Variants in CACNA1H observed in about 807,000 individuals in gnomAD.
CACNA1H encodes calcium voltage-gated channel subunit alpha1 H.
In CACNA1H, 149 loss-of-function variants were observed where a neutral mutation model predicts 192.5. That is an observed-to-expected ratio of 0.77 (90% CI 0.68 to 0.89). The LOEUF is 0.89. CACNA1H is among the 40% of genes least tolerant of loss of function. CACNA1H has a pLI of 0.00. For missense variants in CACNA1H, 4,257 were observed against 3,423.5 expected, an observed-to-expected ratio of 1.24 and a Z score of -6.08; for synonymous variants, 2,202 against 1,475.2, an observed-to-expected ratio of 1.49 and a Z score of -11.29.
chr16:1,179,862 G>T (rs935489361), intron 2 of CACNA1H, among the ~76,000 whole-genome samples: 1 of 149,464 alleles, frequency 6.7e-6, no homozygotes, highest in African/African-American at 2.5e-5. Context: ...AGCCTCCCAC[G>T]TAGCTGGGAT....
Position 1,204,123 on chromosome 16 carries a change from G to C in CACNA1H, c.2116G>C (p.Ala706Pro), listed in dbSNP as rs765526204. ...GAAGAGCTGCCCGTACTGCACCCGT[G>C]CCCTGGAGGACCCGGAGGGTGAGCT... ...ELKSCPYCTR[A>P]LEDPEGELSG... The change falls in exon 10 of 35, where the codon GCC becomes CCC. Residue 706 changes from alanine to proline, a missense_variant. Coordinates refer to ENST00000348261, the MANE Select transcript of CACNA1H (RefSeq NM_021098.3). The C allele has an allele frequency of 6.2e-7, 1 of 1,612,150 alleles. No individual in the cohort carries two copies. The highest frequency in any genetic ancestry group is 1.3e-5 in the African/African-American group (1 of 74,928).
In CACNA1H at chr16:1,200,421, G is replaced by A. The variant is rs564108356; in HGVS notation, c.969G>A (p.Thr323=). 67 of 1,609,446 alleles carry A rather than the reference G, an allele frequency of 4.2e-5. No homozygotes were observed. The South Asian group carries it at 6.3e-4, about 15-fold the overall frequency. ...GCACCCTGGGCTGGGAGGCCTACAC[G>A]CAGCCGCAGGCCGAGGGGGTGGGCG... The part of the protein sequence containing the change: ...MPCTLGWEAY[T]QPQAEGVGAA... The change falls in exon 7 of 35, where the codon ACG becomes ACA. Residue 323 remains threonine (T), a synonymous_variant. Coordinates refer to ENST00000348261, the MANE Select transcript of CACNA1H (RefSeq NM_021098.3).
intron 2 of CACNA1H, among the ~76,000 whole-genome samples, chr16:1,164,824 G>A (rs1049510484): frequency 9.9e-5 from 15 of 152,208 alleles, no homozygotes; most frequent in African/African-American, 3.4e-4. Context: ...GGTGGAGGGC[G>A]GCTGTCCACA....
chr16:1,216,048 A>G (rs1486893228), intron 30 of CACNA1H, among the ~76,000 whole-genome samples: 1 of 151,980 alleles, frequency 6.6e-6, no homozygotes, highest in Non-Finnish European at 1.5e-5. Context: ...AGGCCAAGAG[A>G]CCCAACACGT....
At position 1,167,715 on chromosome 16, in the gene CACNA1H, C is replaced by A. The variant is rs764040139; in HGVS notation, c.299+13679C>A. ...CGGCTCCTGGCTAGGGACCCCGAGACCCCTCCTTTGCTTCCTGAAAGGAGC... is the reference window on the plus strand; with the variant it reads ...CGGCTCCTGGCTAGGGACCCCGAGAACCCTCCTTTGCTTCCTGAAAGGAGC... On this transcript the variant is annotated intron_variant, in intron 2 of 34. Transcript: ENST00000348261. This position sits in a 1 kb window ranked among gnomAD's most constrained non-coding sequence, Gnocchi z 4.2. Among the ~76,000 whole-genome samples the A allele has an allele frequency of 2.5e-4, 38 of 152,196 alleles. No individual in the cohort carries two copies. The highest frequency in any genetic ancestry group is 5.1e-4 in the Non-Finnish European group (35 of 68,026).
intron 2 of CACNA1H, among the ~76,000 whole-genome samples, chr16:1,170,280 G>A (rs1037008865): frequency 4.6e-5 from 7 of 152,188 alleles, no homozygotes; most frequent in African/African-American, 2.4e-5. Flanking sequence ...CCCTCCCCAC[G>A]CCTTCGGGCC....
intron 2 of CACNA1H, among the ~76,000 whole-genome samples, chr16:1,170,383 G>A (rs1214108769): frequency 3.9e-5 from 6 of 152,228 alleles, no homozygotes; most frequent in Non-Finnish European, 7.3e-5. Context: ...CGAGGAATCC[G>A]GGGTAACACT....
chr16:1,197,516 C>T (rs1451540312), intron 5 of CACNA1H, among the ~76,000 whole-genome samples: 1 of 152,226 alleles, frequency 6.6e-6, no homozygotes, highest in African/African-American at 2.4e-5. Context: ...CTAGGGAACT[C>T]TTCCAGACTG....
At chr16:1,218,175 TGTG>T (rs1263963555) in intron 32 of CACNA1H, 32 bp from the exon 33 acceptor site, 1 of 1,540,120 alleles carries the variant, frequency 6.5e-7, no homozygotes, top group Non-Finnish European at 8.8e-7. Context: ...CGCGGGTGGG[TGTG>T]GACCCCGGCC....
intron 13 of CACNA1H, 38 bp from the exon 14 acceptor site, chr16:1,207,237 G>C (rs760879430): frequency 1.3e-6 from 2 of 1,570,568 alleles, no homozygotes; most frequent in Non-Finnish European, 1.7e-6. Flanking sequence ...GCATTTCGGG[G>C]CTGGGGTGAC....
rs1965393445 is a variant in CACNA1H at position 1,180,840 on chromosome 16, T to TC, written c.300-14128dup. Reference sequence around the variant, plus strand: ...GGTCCACAGCCACCCCGCCCTGGACTCCCCGGGCCAGCACCCGACCTGGCC... The same window carrying TC: ...GGTCCACAGCCACCCCGCCCTGGACTCCCCCGGGCCAGCACCCGACCTGGCC... On this transcript the variant is annotated intron_variant, in intron 2 of 34. Coordinates refer to ENST00000348261, the MANE Select transcript of CACNA1H (RefSeq NM_021098.3). This position sits in a 1 kb window ranked among gnomAD's most constrained non-coding sequence, Gnocchi z 4.4. 6.6e-6 allele frequency among the ~76,000 whole-genome samples: 1 copy of TC among 152,060 alleles called. No homozygotes were observed. The highest frequency in any genetic ancestry group is 2.4e-5 in the African/African-American group (1 of 41,422).
Position 1,220,695 on chromosome 16 carries a change from T to G in CACNA1H, c.6763T>G (p.Ser2255Ala), listed in dbSNP as rs772895315. The G allele has an allele frequency of 1.9e-6, 3 of 1,610,888 alleles. No individual in the cohort carries two copies. The highest frequency in any genetic ancestry group is 3.3e-5 in the Admixed American group (2 of 59,716). Residue 2255 changes from serine to alanine, a missense_variant, in exon 35 of 35, where the codon TCC becomes GCC. Ser to Ala is a moderately conservative substitution (Grantham distance 99, BLOSUM62 1). Transcript: ENST00000348261. ...AAKGERWGQA[S>A]CRAEHLTVPS... ...CAAGGGGGAGCGCTGGGGCCAGGCC[T>G]CCTGCCGGGCTGAGCACCTGACCGT... is the stretch of plus-strand genomic sequence containing the variant.
At position 1,216,948 on chromosome 16, in the gene CACNA1H, T is replaced by G. The variant is rs757641288; in HGVS notation, c.5261T>G (p.Leu1754Arg). 1 of 1,604,394 alleles carries G rather than the reference T, an allele frequency of 6.2e-7. No individual in the cohort carries two copies. Among genetic ancestry groups the G allele is most frequent in the Non-Finnish European group, 8.5e-7 (1 of 1,175,644 alleles). Residue 1754 changes from leucine (L) to arginine (R), a missense_variant, in exon 31 of 35, where the codon CTT (leucine) becomes CGT (arginine). By Grantham distance (102) the Leu-to-Arg change is moderately radical. Transcript: ENST00000348261. Reference sequence around the variant, plus strand: ...CTTGTGTAGGTGGGGAACCTGGGCCTTCTTTTCATGCTCCTGTTTTTTATC... The same window carrying G: ...CTTGTGTAGGTGGGGAACCTGGGCCGTCTTTTCATGCTCCTGTTTTTTATC... The part of the protein sequence containing the change: ...QALPQVGNLG[L>R]LFMLLFFIYA...
chr16:1,207,245 G>A, intron 13 of CACNA1H, 30 bp from the exon 14 acceptor site: 1 of 1,581,020 alleles, frequency 6.3e-7, no homozygotes. Context: ...GGGCTGGGGT[G>A]ACCACCCCAG....
At chr16:1,154,162 C>A in intron 2 of CACNA1H, 126 bp downstream of exon 2, 2 of 651,934 alleles carry the variant, frequency 3.1e-6, no homozygotes, top group Non-Finnish European at 4.3e-6. Flanking sequence ...GTGGGCCGGG[C>A]GCGCGGGGGT....
At chr16:1,218,165 C>T (rs1408954585) in intron 32 of CACNA1H, 45 bp from the exon 33 acceptor site, 20 of 1,535,388 alleles carry the variant, frequency 1.3e-5, no homozygotes, top group Admixed American at 2.0e-5. Flanking sequence ...GGGTGGCACC[C>T]GCGGGTGGGT....
chr16:1,215,145 G>A, intron 28 of CACNA1H, 64 bp downstream of exon 28: 1 of 1,583,494 alleles, frequency 6.3e-7, no homozygotes, highest in Non-Finnish European at 8.6e-7. Flanking sequence ...CTGGGGGCAG[G>A]TGAGGCCGCA....
At position 1,195,038 on chromosome 16, in the gene CACNA1H, C is replaced by G. The variant is rs372041705; in HGVS notation, c.366C>G (p.Pro122=). ...LNCVTLGMFR[P]CEDVECGSER... ...GCGTGACCCTGGGCATGTTCCGGCC[C>G]TGTGAGGACGTTGAGTGCGGCTCCG... The change falls in exon 3 of 35, where the codon CCC becomes CCG. Residue 122 remains proline, a synonymous_variant. Transcript: ENST00000348261. The G allele has an allele frequency of 4.3e-6, 7 of 1,610,716 alleles. No homozygotes were observed. The highest frequency in any genetic ancestry group is 1.3e-5 in the African/African-American group (1 of 74,690).
rs1963914691 is a variant in CACNA1H at position 1,167,477 on chromosome 16, A to G, written c.299+13441A>G. Among the ~76,000 whole-genome samples the G allele has an allele frequency of 1.3e-5, 2 of 152,136 alleles. No homozygotes were observed. Among genetic ancestry groups the G allele is most frequent in the Non-Finnish European group, 2.9e-5 (2 of 68,018 alleles). ...CTTGGAATAAAAAAAAAAATTATTA[A>G]TGAGCTTGGTGCGGTTGCCATGGGA... On this transcript the variant is annotated intron_variant, in intron 2 of 34. Transcript: ENST00000348261. This position sits in a 1 kb window ranked among gnomAD's most constrained non-coding sequence, Gnocchi z 4.2.
Sources: allele counts gnomAD v4.1 joint callset (sites outside exome capture counted in the v4.1 genomes callset), GRCh38; gene constraint gnomAD v4.1.1; non-coding constraint Gnocchi (gnomAD v3.1); transcripts MANE v1.5; gene names NCBI Gene and HGNC (gene_info 2026-07-23, HGNC 2026-07-21).